Variants in TF observed in about 807,000 individuals in gnomAD.
TF encodes serotransferrin.
In TF, 55 loss-of-function variants were observed where a neutral mutation model predicts 82.4. The ratio of observed to expected loss-of-function variants is 0.67; its 90% CI spans 0.54 to 0.84. The LOEUF (loss-of-function observed/expected upper bound fraction) is 0.84, where lower values mean the gene tolerates loss of function less well. TF is among the 40% of genes least tolerant of loss of function. The pLI is 0.00. For missense variants in TF, 737 were observed against 868.4 expected, an observed-to-expected ratio of 0.85 and a Z score of 1.90; for synonymous variants, 332 against 332.6, an observed-to-expected ratio of 1.00 and a Z score of 0.02.
At chr3:133,723,057 G>C in the TF span, among the ~76,000 whole-genome samples, 2 of 128,286 alleles carry the variant, frequency 1.6e-5, no homozygotes, top group Admixed American at 7.8e-5. Flanking sequence ...CAATATTCTT[G>C]GTTGACAGTT....
chr3:133,722,634 C>T, the TF span, among the ~76,000 whole-genome samples: 1 of 152,114 alleles, frequency 6.6e-6, no homozygotes, highest in African/African-American at 2.4e-5. Context: ...CAATTTTAAG[C>T]TGATAGCAAC....
Position 133,750,120 on chromosome 3 carries a change from A to G in TF, c.216+1536A>G, listed in dbSNP as rs1041755488. On this transcript the variant is annotated intron_variant, in intron 2 of 16. Transcript: ENST00000402696. ...TCAAGAGATACATATTCACAGTTTTAAGTCCTTTTTAGTAAATTCTCTTGG... is the reference window on the plus strand; with the variant it reads ...TCAAGAGATACATATTCACAGTTTTGAGTCCTTTTTAGTAAATTCTCTTGG... Among the ~76,000 whole-genome samples the G allele has an allele frequency of 5.9e-5, 9 of 152,294 alleles. No individual in the cohort carries two copies. The South Asian group carries it at 1.5e-3, about 25-fold the overall frequency.
the TF span, among the ~76,000 whole-genome samples, chr3:133,714,679 T>TTTG: frequency 3.3e-5 from 5 of 150,254 alleles, no homozygotes; most frequent in East Asian, 5.8e-4. Flanking sequence ...TGAGTTGTTT[T>TTTG]TTTGTTTGTT....
chr3:133,687,633 T>C, the TF span, among the ~76,000 whole-genome samples: 2 of 152,196 alleles, frequency 1.3e-5, no homozygotes, highest in Non-Finnish European at 2.9e-5. Flanking sequence ...CCTTCCTGTC[T>C]CTATAGATGT....
intron 1 of TF, chr3:133,747,144 C>T (rs1245268780): frequency 6.5e-6 from 1 of 154,592 alleles, no homozygotes; most frequent in Non-Finnish European, 1.4e-5. Flanking sequence ...CTAACTTCTG[C>T]CTGCCATTCA....
chr3:133,684,429 A>C, the TF span, among the ~76,000 whole-genome samples: 1 of 152,226 alleles, frequency 6.6e-6, no homozygotes, highest in African/African-American at 2.4e-5. Context: ...GTTTTTTGAA[A>C]AGTTCAACAA....
At chr3:133,716,285 A>G in the TF span, among the ~76,000 whole-genome samples, 27 of 152,254 alleles carry the variant, frequency 1.8e-4, no homozygotes, top group South Asian at 5.4e-3. Context: ...CCTACTGGCT[A>G]TCTCCACTTG....
intron 2 of TF, among the ~76,000 whole-genome samples, chr3:133,750,125 CT>C (rs1473782794): frequency 6.6e-6 from 1 of 152,118 alleles, no homozygotes; most frequent in Non-Finnish European, 1.5e-5. Flanking sequence ...GTTTTAAGTC[CT>C]TTTTAGTAAA....
In TF at chr3:133,778,785, A is replaced by T. The variant is rs1934457346; in HGVS notation, c.*165A>T. On this transcript the variant is annotated 3_prime_UTR_variant, in exon 17 of 17. Coordinates refer to ENST00000402696, the MANE Select transcript of TF (RefSeq NM_001063.4). ...AAAAATAAAAATTATTATTGATTTT[A>T]TATTTCAAAAACTCCATTCTTTCCT... 2 of 616,372 alleles carry T rather than the reference A, an allele frequency of 3.2e-6. No homozygotes were observed. Among genetic ancestry groups the T allele is most frequent in the African/African-American group, 1.9e-5 (1 of 53,130 alleles). The allele number at this position is 616,372 out of a possible 1,614,324, so 38.2% of individuals were successfully genotyped here.
chr3:133,757,386 C>T (rs1006563538), intron 7 of TF, among the ~76,000 whole-genome samples: 5 of 152,344 alleles, frequency 3.3e-5, no homozygotes, highest in South Asian at 2.1e-4. Context: ...AGGGGGCTGC[C>T]TGCACAGCGG....
chr3:133,778,308 A>G, intron 16 of TF: 1 of 371,194 alleles, frequency 2.7e-6, no homozygotes, highest in South Asian at 2.3e-5. Context: ...TGGCCTCAGG[A>G]ACTCAGATGT....
the TF span, among the ~76,000 whole-genome samples, chr3:133,712,145 T>G: frequency 3.3e-5 from 5 of 152,208 alleles, no homozygotes; most frequent in Non-Finnish European, 5.9e-5. Flanking sequence ...TGTGGTTACT[T>G]GAGTTCTGAC....
intron 9 of TF, among the ~76,000 whole-genome samples, chr3:133,760,116 C>T (rs1360054497): frequency 6.6e-6 from 1 of 152,078 alleles, no homozygotes; most frequent in Admixed American, 6.6e-5. Flanking sequence ...AAGTGCCAAG[C>T]TCCACTCCCC....
In TF at chr3:133,778,691, C is replaced by G; in HGVS notation, c.*71C>G. 6.4e-7 allele frequency: 1 copy of G among 1,563,376 alleles called. No individual in the cohort carries two copies. ...ATGATCCATGAGTTTGCCCTGGTTT[C>G]ACTGGCCCAAGTGGTTTGTGCTAAC... On this transcript the variant is annotated 3_prime_UTR_variant, in exon 17 of 17. Coordinates refer to ENST00000402696, the MANE Select transcript of TF (RefSeq NM_001063.4).
rs1576370313 is a variant in TF, at chr3:133,780,039, A to T, written c.*1419A>T. ...TGGCTCCTTTCTTTTCCTGACTCCT[A>T]ACACAGCCTCATCTTATACTCAAAT... is the stretch of plus-strand genomic sequence containing the variant. On this transcript the variant is annotated 3_prime_UTR_variant, in exon 17 of 17. Coordinates refer to ENST00000402696, the MANE Select transcript of TF (RefSeq NM_001063.4). 1 of 152,172 alleles carries T rather than the reference A, an allele frequency of 6.6e-6. No individual in the cohort carries two copies. The allele number at this position is 152,172 out of a possible 1,614,324, so 9.4% of individuals were successfully genotyped here.
At chr3:133,738,810 CAG>C in the TF span, among the ~76,000 whole-genome samples, 4 of 151,998 alleles carry the variant, frequency 2.6e-5, no homozygotes, top group Non-Finnish European at 5.9e-5. Context: ...AACTAAATAA[CAG>C]AGGACACAAA....
intron 7 of TF, 147 bp downstream of exon 7, chr3:133,757,156 C>T (rs1020158223): frequency 5.3e-6 from 6 of 1,122,594 alleles, no homozygotes; most frequent in Non-Finnish European, 7.8e-6. Flanking sequence ...TCTCTAAAAG[C>T]TGGGACTCCC....
At position 133,756,303 on chromosome 3, in the gene TF, G is replaced by A; in HGVS notation, c.657G>A (p.Gly219=). The A allele has an allele frequency of 6.2e-7, 1 of 1,614,122 alleles. No individual in the cohort carries two copies. Among genetic ancestry groups the A allele is most frequent in the African/African-American group, 1.3e-5 (1 of 75,026 alleles). ...CCAGGTGTCTGAAGGATGGTGCTGG[G>A]GATGTGGCCTTTGTCAAGCACTCGA... ...GAFKCLKDGA[G]DVAFVKHSTI... The change falls in exon 6 of 17, where the codon GGG becomes GGA. Residue 219 remains glycine, a synonymous_variant. Coordinates refer to ENST00000402696, the MANE Select transcript of TF (RefSeq NM_001063.4).
the TF span, among the ~76,000 whole-genome samples, chr3:133,678,040 G>A: frequency 6.6e-6 from 1 of 152,022 alleles, no homozygotes; most frequent in African/African-American, 2.4e-5. Flanking sequence ...GCTCCGGTGT[G>A]TGCTCTTCCC....
Sources: gnomAD v4.1 joint callset for allele counts (sites outside exome capture counted in the v4.1 genomes callset) on GRCh38, gnomAD v4.1.1 for gene constraint, MANE v1.5 for transcripts, NCBI Gene and HGNC (gene_info 2026-07-23, HGNC 2026-07-21) for gene names.